The following SYT2 variants were observed in gnomAD, a reference collection of about 807,000 sequenced individuals.
SYT2 encodes the protein synaptotagmin 2.
Under a neutral mutation model 39.9 loss-of-function variants are expected in SYT2, and 15 were observed. That is an observed-to-expected ratio of 0.38 (90% CI 0.25 to 0.58). SYT2 has a LOEUF of 0.58. Among genes scored for constraint, SYT2 ranks in the 20% least tolerant of loss-of-function variants. SYT2 has a pLI of 0.70. For synonymous variants in SYT2, 181 were observed against 204.5 expected, an observed-to-expected ratio of 0.89 and a Z score of 0.98; for missense variants, 389 against 530.3, an observed-to-expected ratio of 0.73 and a Z score of 2.62.
intron 1 of SYT2, among the ~76,000 whole-genome samples, chr1:202,662,746 C>T (rs1692406677): frequency 6.6e-6 from 1 of 152,222 alleles, no homozygotes; most frequent in South Asian, 2.1e-4. Flanking sequence ...CCTTTACTAT[C>T]TGAGTAGCCT....
At chr1:202,702,443 A>G (rs2149122043) in intron 1 of SYT2, among the ~76,000 whole-genome samples, 1 of 152,262 alleles carries the variant, frequency 6.6e-6, no homozygotes, top group Non-Finnish European at 1.5e-5. Context: ...TGGGAGAGGG[A>G]GCCCTCCCAC....
At position 202,673,151 on chromosome 1, in the gene SYT2, T is replaced by C. The variant is rs147156305; in HGVS notation, c.-18+37107A>G. ...AGATGGGAAACAAAAGAAAATAACA[T>C]ATTAGCCATCCTCCAAGTGTAGATG... On this transcript the variant is annotated intron_variant, in intron 1 of 8. Transcript: ENST00000367268. Among the ~76,000 whole-genome samples, 44 of 152,254 alleles carry C rather than the reference T, an allele frequency of 2.9e-4. No individual in the cohort carries two copies. The East Asian group carries it at 7.7e-3, about 27-fold the overall frequency.
chr1:202,665,981 G>A (rs1277730080), intron 1 of SYT2, among the ~76,000 whole-genome samples: 4 of 151,886 alleles, frequency 2.6e-5, no homozygotes, highest in Non-Finnish European at 2.9e-5. Context: ...GTGAAACCCC[G>A]TCTCTACTAA....
At chr1:202,604,360 G>T in intron 3 of SYT2, 95 bp downstream of exon 3, 4 of 1,298,114 alleles carry the variant, frequency 3.1e-6, no homozygotes, top group Non-Finnish European at 4.4e-6. Flanking sequence ...AGCAGGTTTG[G>T]CTGTGGAAGC....
intron 1 of SYT2, among the ~76,000 whole-genome samples, chr1:202,678,607 C>A (rs1022412472): frequency 1.3e-5 from 2 of 152,168 alleles, no homozygotes; most frequent in African/African-American, 4.8e-5. Context: ...GGCTTCCCCC[C>A]TCCCTATAGG....
At chr1:202,691,642 C>G (rs934786874) in intron 1 of SYT2, among the ~76,000 whole-genome samples, 6 of 139,474 alleles carry the variant, frequency 4.3e-5, no homozygotes, top group African/African-American at 1.6e-4. Context: ...AGAGAAAGAC[C>G]CTGTCTCAAA....
In SYT2 at chr1:202,605,611, C is replaced by A; in HGVS notation, c.162G>T (p.Glu54Asp). The change falls in exon 2 of 9, where the codon GAG (glutamate) becomes GAT (aspartate). Residue 54 changes from glutamate (E) to aspartate (D), a missense_variant. Coordinates refer to ENST00000367268, the MANE Select transcript of SYT2 (RefSeq NM_177402.5). Reference sequence around the variant, plus strand: ...GACACTCACAGGGAATCTTGTTTATCTCATTGAATAACTTCTCCTTCAGTT... The same window carrying A: ...GACACTCACAGGGAATCTTGTTTATATCATTGAATAACTTCTCCTTCAGTT... ...FAKLKEKLFN[E>D]INKIPLPPWA... The A allele has an allele frequency of 6.2e-7, 1 of 1,613,928 alleles. No individual in the cohort carries two copies. Among genetic ancestry groups the A allele is most frequent in the African/African-American group, 1.3e-5 (1 of 75,042 alleles).
chr1:202,698,419 A>G (rs1654029595), intron 1 of SYT2, among the ~76,000 whole-genome samples: 1 of 151,964 alleles, frequency 6.6e-6, no homozygotes. Context: ...CGGTTCCTCC[A>G]CCATCCTGCA....
chr1:202,647,890 G>A (rs1572656559), intron 1 of SYT2, among the ~76,000 whole-genome samples: 2 of 151,972 alleles, frequency 1.3e-5, no homozygotes, highest in African/African-American at 4.8e-5. Flanking sequence ...CTTGTATAGA[G>A]CCATAAGACA....
intron 1 of SYT2, among the ~76,000 whole-genome samples, chr1:202,691,730 GGGGA>G (rs1558463420): frequency 7.2e-5 from 1 of 13,824 alleles, no homozygotes; most frequent in African/African-American, 2.0e-4. Context: ...AGGGAGAGGG[GGGGA>G]GAGAGAGAGA....
chr1:202,618,840 AC>A (rs1223480232), intron 1 of SYT2, among the ~76,000 whole-genome samples: 1 of 151,838 alleles, frequency 6.6e-6, no homozygotes, highest in Non-Finnish European at 1.5e-5. Flanking sequence ...TTCTGATGTG[AC>A]CCCCTGTCAC....
At chr1:202,664,418 A>AT (rs1692445698) in intron 1 of SYT2, among the ~76,000 whole-genome samples, 3 of 152,156 alleles carry the variant, frequency 2.0e-5, no homozygotes, top group African/African-American at 7.2e-5. Context: ...AAATATCCTC[A>AT]TTTTAAGTAT....
At chr1:202,639,580 A>G (rs1691843687) in intron 1 of SYT2, 1 of 985,236 alleles carries the variant, frequency 1.0e-6, no homozygotes, top group Non-Finnish European at 1.2e-6. Flanking sequence ...GCTTTTCTCC[A>G]AGGCTGCATC....
chr1:202,605,749 G>T lies in SYT2; in HGVS notation c.24C>A (p.Asn8Lys), dbSNP rs777304720. Residue 8 changes from asparagine (N) to lysine (K), a missense_variant, in exon 2 of 9, where the codon AAC becomes AAA. Asn to Lys is a moderately conservative substitution (Grantham distance 94). This residue lies in a region of SYT2 where 280 missense variants were observed against 335.6 expected (regional missense o/e 0.83). Transcript: ENST00000367268. ...TGGCAGGAGCCACAATAGGCTCCTG[G>T]TTCCTCTTGAAAATGTTCCTCATGG... is the stretch of plus-strand genomic sequence containing the variant. MRNIFKR[N>K]QEPIVAPATT... 2.5e-6 allele frequency: 4 copies of T among 1,614,000 alleles called. No homozygotes were observed. The highest frequency in any genetic ancestry group is 2.5e-6 in the Non-Finnish European group (3 of 1,180,012).
intron 1 of SYT2, chr1:202,639,906 C>T (rs760625113): frequency 7.6e-6 from 7 of 917,976 alleles, no homozygotes; most frequent in Non-Finnish European, 9.1e-6. Context: ...TAATTTGAGC[C>T]CTCTCTGTGA....
At chr1:202,667,466 C>CGTGTGTGTGTGT (rs35072265) in intron 1 of SYT2, among the ~76,000 whole-genome samples, 71 of 140,838 alleles carry the variant, frequency 5.0e-4, no homozygotes, top group African/African-American at 1.9e-3. Context: ...AGTGACCAGC[C>CGTGTGTGTGTGT]GTGTGTGTGT....
At chr1:202,696,274 T>A (rs987356833) in intron 1 of SYT2, among the ~76,000 whole-genome samples, 4 of 152,016 alleles carry the variant, frequency 2.6e-5, no homozygotes, top group Non-Finnish European at 5.9e-5. Flanking sequence ...GTGTAACATA[T>A]GTACCAGGTG....
intron 1 of SYT2, chr1:202,643,295 G>T (rs867416973): frequency 6.6e-6 from 1 of 151,780 alleles, no homozygotes; most frequent in African/African-American, 2.4e-5. Context: ...CGTTCCGGGC[G>T]CGTTCAGCCT....
intron 1 of SYT2, among the ~76,000 whole-genome samples, chr1:202,606,313 C>T (rs1242867111): frequency 1.3e-5 from 2 of 152,150 alleles, no homozygotes; most frequent in Non-Finnish European, 2.9e-5. Context: ...AACTCCAGAG[C>T]CTGTATAGCT....
Sources: gnomAD v4.1 joint callset for allele counts (sites outside exome capture counted in the v4.1 genomes callset) on GRCh38, gnomAD v4.1.1 for gene constraint, gnomAD v4.1.1 regional missense constraint, MANE v1.5 for transcripts, NCBI Gene and HGNC (gene_info 2026-07-23, HGNC 2026-07-21) for gene names.